The following PPP2R5C variants were observed in gnomAD, a reference collection of about 807,000 sequenced individuals.
The protein encoded by PPP2R5C is protein phosphatase 2 regulatory subunit B'gamma.
Under a neutral mutation model 68.9 loss-of-function variants are expected in PPP2R5C, and 7 were observed. That is an observed-to-expected ratio of 0.10 (90% CI 0.06 to 0.19). The LOEUF is 0.19. Ranked by LOEUF, PPP2R5C falls within the 10% of genes least tolerant of loss-of-function variation. The probability of loss-of-function intolerance (pLI) is 1.00; values close to 1 mark genes in which losing one functional copy is unlikely to be tolerated. For missense variants in PPP2R5C, 348 were observed against 641.3 expected, an observed-to-expected ratio of 0.54 and a Z score of 4.94; for synonymous variants, 210 against 222.2, an observed-to-expected ratio of 0.95 and a Z score of 0.49.
rs2046774441 is a variant in PPP2R5C, at chr14:101,917,900, G to C, written c.1396G>C (p.Glu466Gln). The C allele has an allele frequency of 6.2e-7, 1 of 1,613,748 alleles. No homozygotes were observed. Among genetic ancestry groups the C allele is most frequent in the African/African-American group, 1.3e-5 (1 of 74,878 alleles). Residue 466 changes from glutamate to glutamine, a missense_variant, in exon 13 of 14, where the codon GAA becomes CAA. Glu to Gln is a conservative substitution (Grantham distance 29). Coordinates refer to ENST00000334743, the Ensembl canonical transcript of PPP2R5C. The surrounding 1 kb of genome is among the most constrained non-coding windows in gnomAD (Gnocchi z 4.4). ...AATGGAGACAGATGGGCCTTTATTT[G>C]AAGATGTGCAGATGCTGAGAAAGAC...
chr14:101,787,654 C>A (rs2038173488), intron 3 of PPP2R5C, among the ~76,000 whole-genome samples: 1 of 151,312 alleles, frequency 6.6e-6, no homozygotes, highest in Non-Finnish European at 1.5e-5. Context: ...GTAGTCCCAG[C>A]TACTTGGGAG....
At chr14:101,824,031 TC>T (rs1220038975) in intron 1 of PPP2R5C, 1 of 1,289,186 alleles carries the variant, frequency 7.8e-7, no homozygotes. Context: ...GCCCACTTGT[TC>T]CGTGGCACAG....
intron 1 of PPP2R5C, among the ~76,000 whole-genome samples, chr14:101,842,394 C>T (rs2041531387): frequency 6.6e-6 from 1 of 152,292 alleles, no homozygotes; most frequent in Admixed American, 6.5e-5. Flanking sequence ...TCAGTGGCTA[C>T]GTTGCTTGTT....
At chr14:101,871,115 C>T (rs1013241612) in intron 2 of PPP2R5C, among the ~76,000 whole-genome samples, 1 of 152,126 alleles carries the variant, frequency 6.6e-6, no homozygotes, top group Admixed American at 6.6e-5. Flanking sequence ...CTAGTGTTGG[C>T]ATGGTATGTC....
At chr14:101,809,987 G>T (rs1475976230) in exon 1 of PPP2R5C, 7 of 1,613,946 alleles carry the variant, frequency 4.3e-6, no homozygotes, top group Non-Finnish European at 5.9e-6. Flanking sequence ...TGGTGGATGC[G>T]GCCAACTCCA....
At chr14:101,870,035 T>C (rs901299680) in intron 2 of PPP2R5C, among the ~76,000 whole-genome samples, 4 of 145,334 alleles carry the variant, frequency 2.8e-5, no homozygotes, top group Admixed American at 7.0e-5. Flanking sequence ...TGTTTTTCAA[T>C]TGGGCTTTTT....
At chr14:101,772,267 A>C (rs2037188881) in intron 2 of PPP2R5C, among the ~76,000 whole-genome samples, 1 of 152,002 alleles carries the variant, frequency 6.6e-6, no homozygotes, top group Non-Finnish European at 1.5e-5. Context: ...GGAGGGCAAG[A>C]AGAAGAGGGA....
At chr14:101,811,133 G>A (rs538074255) in intron 1 of PPP2R5C, among the ~76,000 whole-genome samples, 1 of 152,280 alleles carries the variant, frequency 6.6e-6, no homozygotes, top group South Asian at 2.1e-4. Flanking sequence ...GGAATAAAAT[G>A]GGTGGTGCTT....
Position 101,774,864 on chromosome 14 carries a change from T to C in PPP2R5C, c.94-11154T>C, listed in dbSNP as rs7156413. 4.5e-3 allele frequency among the ~76,000 whole-genome samples: 691 copies of C among 152,346 alleles called. 5 individuals are homozygous for C. Among genetic ancestry groups the C allele is most frequent in the African/African-American group, 0.016 (653 of 41,582 alleles). On this transcript the variant is annotated intron_variant, in intron 2 of 14. Coordinates refer to the PPP2R5C transcript ENST00000328724. Reference sequence around the variant, plus strand: ...TCTGTAAAGGGCCAGATAGTAAATATTCAAGGCTTCAGGGGGCGCGTGGTC... The same window carrying C: ...TCTGTAAAGGGCCAGATAGTAAATACTCAAGGCTTCAGGGGGCGCGTGGTC...
chr14:101,830,918 A>G (rs557314217), intron 1 of PPP2R5C, among the ~76,000 whole-genome samples: 1 of 152,346 alleles, frequency 6.6e-6, no homozygotes, highest in South Asian at 2.1e-4. Flanking sequence ...TTAGAGTGAT[A>G]AGTAAGTTAC....
At chr14:101,871,603 T>C (rs572580740) in intron 2 of PPP2R5C, among the ~76,000 whole-genome samples, 1 of 152,326 alleles carries the variant, frequency 6.6e-6, no homozygotes, top group African/African-American at 2.4e-5. Flanking sequence ...AAACCATTTA[T>C]TTTTCATGTG....
rs967072309 is a variant in PPP2R5C at position 101,882,501 on chromosome 14, G to A, written c.405+230G>A. ...ATGTGTAATTGTGAGTATGTTCTCA[G>A]TGAAGATGGCCGCTGTGTTGATGGC... is the stretch of plus-strand genomic sequence containing the variant. On this transcript the variant is annotated intron_variant, in intron 3 of 13. Transcript: ENST00000334743. The surrounding 1 kb of genome is among the most constrained non-coding windows in gnomAD (Gnocchi z 4.9). 2 of 394,532 alleles carry A rather than the reference G, an allele frequency of 5.1e-6. No homozygotes were observed. The highest frequency in any genetic ancestry group is 4.5e-6 in the Non-Finnish European group (1 of 220,444). The allele number at this position is 394,532 out of a possible 1,614,324, so 24.4% of individuals were successfully genotyped here. A position where few individuals can be genotyped will look rare whatever the true frequency, so the allele number is the denominator to read the frequency against.
chr14:101,784,869 A>C (rs1022587122), intron 2 of PPP2R5C, among the ~76,000 whole-genome samples: 2 of 152,176 alleles, frequency 1.3e-5, no homozygotes, highest in Non-Finnish European at 2.9e-5. Context: ...GGGCCAGGTC[A>C]CTGCTTGCTA....
rs548751354 is a variant in PPP2R5C, at chr14:101,913,928, A to G, written c.1326+1455A>G. On this transcript the variant is annotated intron_variant, in intron 12 of 13. Transcript: ENST00000334743. This position sits in a 1 kb window ranked among gnomAD's most constrained non-coding sequence, Gnocchi z 4.1. ...CGAATCAGAAGGTCTGATTTTATGT[A>G]CCTAGAATATAGAGATAACTTATTG... Among the ~76,000 whole-genome samples, 22 of 152,326 alleles carry G rather than the reference A, an allele frequency of 1.4e-4. No individual in the cohort carries two copies. The highest frequency in any genetic ancestry group is 8.5e-4 in the Admixed American group (13 of 15,300).
In PPP2R5C at chr14:101,840,916, G is replaced by A. The variant is rs115004224; in HGVS notation, c.95-15770G>A. Reference sequence around the variant, plus strand: ...TGGAGAGGATGAAAATGTTGCTTCCGTTGGTTGCTTCCATTAGTTGCTTCT... The same window carrying A: ...TGGAGAGGATGAAAATGTTGCTTCCATTGGTTGCTTCCATTAGTTGCTTCT... On this transcript the variant is annotated intron_variant, in intron 1 of 13. Transcript: ENST00000334743. 2.1e-3 allele frequency among the ~76,000 whole-genome samples: 313 copies of A among 152,290 alleles called. 4 individuals are homozygous for A. The highest frequency in any genetic ancestry group is 7.2e-3 in the African/African-American group (299 of 41,554).
intron 3 of PPP2R5C, among the ~76,000 whole-genome samples, chr14:101,787,642 C>G (rs2038172742): frequency 2.0e-5 from 3 of 151,904 alleles, no homozygotes; most frequent in Admixed American, 1.3e-4. Flanking sequence ...TGGCGGGCGC[C>G]TGTAGTCCCA....
chr14:101,862,116 C>T (rs181027282), intron 2 of PPP2R5C, among the ~76,000 whole-genome samples: 226 of 152,264 alleles, frequency 1.5e-3, no homozygotes, highest in African/African-American at 5.2e-3. Context: ...GGTCTCCACT[C>T]TATTGGCCAG....
chr14:101,818,211 T>A (rs1271840069), intron 1 of PPP2R5C: 1 of 152,280 alleles, frequency 6.6e-6, no homozygotes, highest in Non-Finnish European at 1.5e-5. Context: ...TCAGTCTTTC[T>A]GTTCCCGTGC....
At chr14:101,927,887 A>T (rs890590018) in exon 14 of PPP2R5C, 4 of 152,290 alleles carry the variant, frequency 2.6e-5, no homozygotes, top group Admixed American at 2.0e-4. Flanking sequence ...AACTTCATAC[A>T]CTTGCCATTT....
Sources: allele counts gnomAD v4.1 joint callset (sites outside exome capture counted in the v4.1 genomes callset), GRCh38; gene constraint gnomAD v4.1.1; non-coding constraint Gnocchi (gnomAD v3.1); transcripts MANE v1.5; gene names NCBI Gene and HGNC (gene_info 2026-07-23, HGNC 2026-07-21).